The following TMPO variants were observed in gnomAD, a reference collection of about 807,000 sequenced individuals.
TMPO encodes thymopoietin.
TMPO carries 22 observed loss-of-function variants against 45.4 expected under a neutral mutation model. The observed-to-expected ratio is 0.48, with a 90% CI of 0.35 to 0.69. TMPO has a LOEUF of 0.69. Ranked by LOEUF, TMPO falls within the 30% of genes least tolerant of loss-of-function variation. The probability of loss-of-function intolerance (pLI) is 0.01; values close to 1 mark genes in which losing one functional copy is unlikely to be tolerated. For missense variants in TMPO, 512 were observed against 548.8 expected (o/e 0.93, Z 0.67); for synonymous variants, 241 against 204.1 (o/e 1.18, Z -1.54).
chr12:98,516,302 C>T (rs1241159661), intron 1 of TMPO, 156 bp downstream of exon 1: 23 of 1,234,514 alleles, frequency 1.9e-5, no homozygotes, highest in Non-Finnish European at 2.2e-5. Context: ...CCCCGCGGGG[C>T]TGCAGGCGCC....
At position 98,516,295 on chromosome 12, in the gene TMPO, C is replaced by G; in HGVS notation, c.279+149C>G. ...GCGCCCCCTCGCGTCGCCCCTTCCC[C>G]GCGGGGCTGCAGGCGCCGGAGCGGA... On this transcript the variant is annotated intron_variant, in intron 1 of 8. Coordinates refer to ENST00000556029, the MANE Select transcript of TMPO (RefSeq NM_001032283.3). 5 of 1,238,166 alleles carry G rather than the reference C, an allele frequency of 4.0e-6. No individual in the cohort carries two copies. In the South Asian group the frequency reaches 1.1e-4, roughly 27 times the overall value. The allele number at this position is 1,238,166 out of a possible 1,614,324, so 76.7% of individuals were successfully genotyped here. A position where few individuals can be genotyped will look rare whatever the true frequency, so the allele number is the denominator to read the frequency against.
At chr12:98,524,737 G>C (rs1466969246) in intron 1 of TMPO, among the ~76,000 whole-genome samples, 1 of 152,092 alleles carries the variant, frequency 6.6e-6, no homozygotes, top group Non-Finnish European at 1.5e-5. Context: ...GGGATTACAG[G>C]CATGTGCCAC....
rs1878451564 is a variant in TMPO at position 98,550,077 on chromosome 12, G to A, written c.*2219G>A. ...TTTAAAAATGTGGGGAGATAAATCAGACTTAACATGTATGTAAGATCAATT... is the reference window on the plus strand; with the variant it reads ...TTTAAAAATGTGGGGAGATAAATCAAACTTAACATGTATGTAAGATCAATT... On this transcript the variant is annotated 3_prime_UTR_variant, in exon 9 of 9. Coordinates refer to ENST00000556029, the MANE Select transcript of TMPO (RefSeq NM_001032283.3). 6.6e-6 allele frequency: 1 copy of A among 152,186 alleles called. No individual in the cohort carries two copies. Among genetic ancestry groups the A allele is most frequent in the Non-Finnish European group, 1.5e-5 (1 of 68,034 alleles). 9.4% of individuals were successfully genotyped at this position (152,186 alleles called of 1,614,324 possible).
intron 4 of TMPO, 168 bp downstream of exon 4, chr12:98,537,740 G>C (rs1195209970): frequency 4.3e-6 from 3 of 701,180 alleles, no homozygotes; most frequent in Non-Finnish European, 7.6e-6. Flanking sequence ...TTTGTCAGTA[G>C]TGTAGCCTGT....
chr12:98,531,928 A>G, intron 3 of TMPO, 90 bp downstream of exon 3: 2 of 1,056,870 alleles, frequency 1.9e-6, no homozygotes, highest in Non-Finnish European at 2.8e-6. Flanking sequence ...TTAAAACAAT[A>G]TTGGCAAGAT....
At chr12:98,520,309 C>CCTTCCTTCCT (rs1555202290) in intron 1 of TMPO, among the ~76,000 whole-genome samples, 2 of 145,006 alleles carry the variant, frequency 1.4e-5, no homozygotes, top group Admixed American at 6.9e-5. Flanking sequence ...TTCCTTCCTT[C>CCTTCCTTCCT]TGTGTGTGTG....
intron 4 of TMPO, among the ~76,000 whole-genome samples, chr12:98,539,036 A>C (rs1877741204): frequency 6.6e-6 from 1 of 151,976 alleles, no homozygotes. Flanking sequence ...CCCTGTCTCT[A>C]CTAAAAATAC....
In TMPO at chr12:98,533,527, T is replaced by C; in HGVS notation, c.565+1689T>C. On this transcript the variant is annotated intron_variant, in intron 3 of 8. Transcript: ENST00000556029. ...TAAGTTTCAAGAAACTGAATTCCTGTCTCCTCCAAGAAAAGTCCCTAGACT... is the reference window on the plus strand; with the variant it reads ...TAAGTTTCAAGAAACTGAATTCCTGCCTCCTCCAAGAAAAGTCCCTAGACT... The C allele has an allele frequency of 6.2e-7, 1 of 1,614,122 alleles. No homozygotes were observed. Among genetic ancestry groups the C allele is most frequent in the Non-Finnish European group, 8.5e-7 (1 of 1,179,996 alleles).
chr12:98,548,051 A>T lies in TMPO; in HGVS notation c.*193A>T. 1.6e-6 allele frequency: 1 copy of T among 609,868 alleles called. No homozygotes were observed. Among genetic ancestry groups the T allele is most frequent in the Non-Finnish European group, 2.7e-6 (1 of 368,126 alleles). The allele number at this position is 609,868 out of a possible 1,614,324, so 37.8% of individuals were successfully genotyped here. ...AAATGTTTTTGAACTTTGGACTAGT[A>T]GGAGATCACTTTGTGCCATATGAAT... On this transcript the variant is annotated 3_prime_UTR_variant, in exon 9 of 9. Transcript: ENST00000556029.
Position 98,515,639 on chromosome 12 carries a change from C to A in TMPO, c.-229C>A. 1 of 800,442 alleles carries A rather than the reference C, an allele frequency of 1.2e-6. No individual in the cohort carries two copies. The highest frequency in any genetic ancestry group is 1.8e-5 in the South Asian group (1 of 55,450). 49.6% of individuals were successfully genotyped at this position (800,442 alleles called of 1,614,324 possible). A position where few individuals can be genotyped will look rare whatever the true frequency, so the allele number is the denominator to read the frequency against. ...TGTAGTGTGTGGGCTGGGGTTGGTG[C>A]GAGCTTCCAGCTTGGCCGCAGTTGG... On this transcript the variant is annotated 5_prime_UTR_variant, in exon 1 of 9. Coordinates refer to ENST00000556029, the MANE Select transcript of TMPO (RefSeq NM_001032283.3).
At chr12:98,544,890 T>G in intron 6 of TMPO, 61 bp from the exon 7 acceptor site, 1 of 1,283,500 alleles carries the variant, frequency 7.8e-7, no homozygotes, top group Non-Finnish European at 1.1e-6. Context: ...CTTTCTTTTC[T>G]TTTTAAGTGT....
At chr12:98,542,268 G>A (rs1198750018) in intron 4 of TMPO, among the ~76,000 whole-genome samples, 1 of 152,168 alleles carries the variant, frequency 6.6e-6, no homozygotes, top group East Asian at 1.9e-4. Flanking sequence ...GGAGGAATAT[G>A]AGGCTTTTTT....
At chr12:98,537,386 T>C in intron 3 of TMPO, 89 bp from the exon 4 acceptor site, 8 of 1,149,978 alleles carry the variant, frequency 7.0e-6, no homozygotes, top group Non-Finnish European at 1.0e-5. Flanking sequence ...TTAATGTGCC[T>C]AAAACCAGGG....
chr12:98,535,909 G>GT (rs1208244227), intron 3 of TMPO, among the ~76,000 whole-genome samples: 3 of 151,802 alleles, frequency 2.0e-5, no homozygotes, highest in African/African-American at 4.8e-5. Flanking sequence ...ACTACTAATG[G>GT]TTTTTTTTAC....
At chr12:98,546,577 C>A in intron 8 of TMPO, 130 bp downstream of exon 8, 1 of 740,076 alleles carries the variant, frequency 1.4e-6, no homozygotes. Flanking sequence ...TACAATGGTA[C>A]ATGCCTGTAG....
intron 3 of TMPO, chr12:98,534,524 T>A: frequency 7.1e-7 from 1 of 1,409,640 alleles, no homozygotes; most frequent in Non-Finnish European, 9.2e-7. Flanking sequence ...TTCTAAAGAT[T>A]TGCGTAGATA....
intron 3 of TMPO, chr12:98,533,971 G>A (rs1356998515): frequency 6.2e-7 from 1 of 1,610,538 alleles, no homozygotes; most frequent in South Asian, 1.1e-5. Context: ...ACTCTGTAGA[G>A]CATATGAAGC....
At chr12:98,533,523 C>T in intron 3 of TMPO, 1 of 1,614,102 alleles carries the variant, frequency 6.2e-7, no homozygotes. Context: ...AAACTGAATT[C>T]CTGTCTCCTC....
Position 98,547,708 on chromosome 12 carries a change from A to G in TMPO, c.1215A>G (p.Thr405=). ...VPLADVKSEK[T]KKGRSIPVWI... ...TGGCAGATGTCAAGTCAGAAAAGACAAAAAAGGGACGCTCCATTCCCGTAT... is the reference window on the plus strand; with the variant it reads ...TGGCAGATGTCAAGTCAGAAAAGACGAAAAAGGGACGCTCCATTCCCGTAT... The change falls in exon 9 of 9, where the codon ACA becomes ACG. Residue 405 remains threonine (T), a synonymous_variant. Coordinates refer to ENST00000556029, the MANE Select transcript of TMPO (RefSeq NM_001032283.3). 1 of 1,614,194 alleles carries G rather than the reference A, an allele frequency of 6.2e-7. No individual in the cohort carries two copies. Among genetic ancestry groups the G allele is most frequent in the Non-Finnish European group, 8.5e-7 (1 of 1,180,048 alleles).
Sources: gnomAD v4.1 joint callset for allele counts (sites outside exome capture counted in the v4.1 genomes callset) on GRCh38, gnomAD v4.1.1 for gene constraint, MANE v1.5 for transcripts, NCBI Gene and HGNC (gene_info 2026-07-23, HGNC 2026-07-21) for gene names.